The following EBF1 variants were observed in gnomAD, a reference collection of about 807,000 sequenced individuals.
The protein encoded by EBF1 is EBF transcription factor 1.
In EBF1, 10 loss-of-function variants were observed where a neutral mutation model predicts 68.4. That is an observed-to-expected ratio of 0.15 (90% CI 0.09 to 0.25). EBF1 has a LOEUF of 0.25. Ranked by LOEUF, EBF1 falls within the 10% of genes least tolerant of loss-of-function variation. The pLI, the probability that EBF1 is intolerant of heterozygous loss-of-function variation, is 1.00. For synonymous variants in EBF1, 298 were observed against 299.8 expected, an observed-to-expected ratio of 0.99 and a Z score of 0.06; for missense variants, 509 against 794.4, an observed-to-expected ratio of 0.64 and a Z score of 4.32.
At chr5:159,052,553 C>T (rs1311669132) in intron 6 of EBF1, among the ~76,000 whole-genome samples, 7 of 152,202 alleles carry the variant, frequency 4.6e-5, no homozygotes, top group Admixed American at 4.6e-4. Flanking sequence ...CTTTGCAATA[C>T]CAGCCTTTTA....
chr5:159,078,569 TG>T (rs1213873816), intron 5 of EBF1, among the ~76,000 whole-genome samples: 2 of 152,218 alleles, frequency 1.3e-5, no homozygotes, highest in East Asian at 3.8e-4. Flanking sequence ...ACTTGGGATT[TG>T]CTCTCTCATG....
At chr5:158,857,110 T>C (rs926151627) in intron 6 of EBF1, among the ~76,000 whole-genome samples, 3 of 152,116 alleles carry the variant, frequency 2.0e-5, no homozygotes, top group African/African-American at 7.2e-5. Context: ...ATTATGTTGA[T>C]GTGAAGACCA....
chr5:158,720,345 A>C (rs1761670367), intron 11 of EBF1, among the ~76,000 whole-genome samples: 1 of 152,200 alleles, frequency 6.6e-6, no homozygotes, highest in African/African-American at 2.4e-5. Flanking sequence ...CATTTCCTGC[A>C]GAGCTGGATG....
At chr5:159,057,104 CTTT>C (rs1205129627) in intron 6 of EBF1, among the ~76,000 whole-genome samples, 1 of 110,642 alleles carries the variant, frequency 9.0e-6, no homozygotes, top group Non-Finnish European at 1.9e-5. Flanking sequence ...CTTTTCTTTT[CTTT>C]TTTTTTTTTT....
chr5:158,879,678 A>G (rs989155745), intron 6 of EBF1, among the ~76,000 whole-genome samples: 3 of 152,170 alleles, frequency 2.0e-5, no homozygotes, highest in African/African-American at 7.2e-5. Flanking sequence ...AAATCTGCAC[A>G]TTGTGCACAT....
intron 10 of EBF1, 109 bp downstream of exon 10, chr5:158,777,304 C>G: frequency 8.0e-7 from 1 of 1,247,224 alleles, no homozygotes; most frequent in South Asian, 2.7e-5. Flanking sequence ...AGAAAGCAGG[C>G]TTTAACTAGA....
chr5:158,760,422 A>G (rs929757740), intron 10 of EBF1, among the ~76,000 whole-genome samples: 9 of 152,140 alleles, frequency 5.9e-5, no homozygotes, highest in Non-Finnish European at 1.3e-4. Flanking sequence ...CGGCCCCTAA[A>G]TGAACCACAC....
At chr5:158,936,682 G>C (rs1258771509) in intron 6 of EBF1, among the ~76,000 whole-genome samples, 2 of 152,272 alleles carry the variant, frequency 1.3e-5, no homozygotes, top group Non-Finnish European at 2.9e-5. Flanking sequence ...TTCCACTCCA[G>C]CATCTGTCTA....
chr5:158,943,051 T>C (rs942937817), intron 6 of EBF1, among the ~76,000 whole-genome samples: 1 of 18,138 alleles, frequency 5.5e-5, no homozygotes. Context: ...GGGAGGGAAG[T>C]GGGAGGGAGG....
Position 158,920,850 on chromosome 5 carries a change from C to T in EBF1, c.555-80740G>A, listed in dbSNP as rs58278684. On this transcript the variant is annotated intron_variant, in intron 6 of 15. Transcript: ENST00000313708. ...TGGCACCAGCGTGACTCCCTGAAAC[C>T]CACTTGGTGGAAGGGATGACAGCAC... Among the ~76,000 whole-genome samples, 860 of 152,318 alleles carry T rather than the reference C, an allele frequency of 5.6e-3. 10 individuals are homozygous for T. Among genetic ancestry groups the T allele is most frequent in the African/African-American group, 0.02 (814 of 41,580 alleles).
At chr5:158,725,882 A>G (rs1221031629) in intron 11 of EBF1, among the ~76,000 whole-genome samples, 1 of 152,178 alleles carries the variant, frequency 6.6e-6, no homozygotes, top group Non-Finnish European at 1.5e-5. Context: ...TGAAATGACA[A>G]ACATCTTGCA....
At chr5:158,886,902 T>C (rs1182855031) in intron 6 of EBF1, among the ~76,000 whole-genome samples, 1 of 152,124 alleles carries the variant, frequency 6.6e-6, no homozygotes, top group African/African-American at 2.4e-5. Context: ...CTCAGGAAGC[T>C]GAGGCAGGAG....
At chr5:158,895,494 C>T (rs1801997705) in intron 6 of EBF1, among the ~76,000 whole-genome samples, 1 of 152,294 alleles carries the variant, frequency 6.6e-6, no homozygotes, top group South Asian at 2.1e-4. Flanking sequence ...CATGTATTAT[C>T]TCATTTAATG....
rs74349620 is a variant in EBF1 at position 158,850,097 on chromosome 5, T to C, written c.555-9987A>G. Among the ~76,000 whole-genome samples, 3 of 152,306 alleles carry C rather than the reference T, an allele frequency of 2.0e-5. No individual in the cohort carries two copies. The East Asian group carries it at 5.8e-4, about 29-fold the overall frequency. ...CTACTTAATATTTTAAACTTTGATG[T>C]TGAGAAATTTTTATCTCCAAGTTAA... On this transcript the variant is annotated intron_variant, in intron 6 of 15. Transcript: ENST00000313708.
Position 158,858,148 on chromosome 5 carries a change from C to T in EBF1, c.555-18038G>A, listed in dbSNP as rs1794381747. Among the ~76,000 whole-genome samples, 3 of 152,122 alleles carry T rather than the reference C, an allele frequency of 2.0e-5. No homozygotes were observed. The South Asian group carries it at 6.2e-4, about 32-fold the overall frequency. ...CGGTGTCATGCTTTTGCTGGAGATC[C>T]TCTGTTCGGAGTAAGTGATGACAGC... On this transcript the variant is annotated intron_variant, in intron 6 of 15. Coordinates refer to ENST00000313708, the MANE Select transcript of EBF1 (RefSeq NM_024007.5).
intron 6 of EBF1, among the ~76,000 whole-genome samples, chr5:159,022,715 C>T (rs762726392): frequency 1.3e-5 from 2 of 151,894 alleles, no homozygotes; most frequent in Non-Finnish European, 1.5e-5. Context: ...GAAAACCAGC[C>T]GCTGGGATAA....
At chr5:159,022,519 T>C (rs1338238110) in intron 6 of EBF1, among the ~76,000 whole-genome samples, 1 of 152,216 alleles carries the variant, frequency 6.6e-6, no homozygotes, top group African/African-American at 2.4e-5. Context: ...TGCCTCTATT[T>C]TGAATGCAAT....
In EBF1 at chr5:159,005,641, C is replaced by T. The variant is rs145548683; in HGVS notation, c.554+67755G>A. Among the ~76,000 whole-genome samples, 554 of 152,174 alleles carry T rather than the reference C, an allele frequency of 3.6e-3. 3 individuals are homozygous for T. Among genetic ancestry groups the T allele is most frequent in the African/African-American group, 0.012 (507 of 41,530 alleles). On this transcript the variant is annotated intron_variant, in intron 6 of 15. Transcript: ENST00000313708. ...TCATGAAATATCAGAGTTGTACATGCTTTTGTCTTTTCTGCATAAAAAAAA... is the reference window on the plus strand; with the variant it reads ...TCATGAAATATCAGAGTTGTACATGTTTTTGTCTTTTCTGCATAAAAAAAA...
chr5:158,913,168 A>C (rs1806399336), intron 6 of EBF1, among the ~76,000 whole-genome samples: 1 of 152,244 alleles, frequency 6.6e-6, no homozygotes, highest in Admixed American at 6.5e-5. Context: ...TAACAAAAAT[A>C]GAGTTCTGGG....
Sources: gnomAD v4.1 joint callset for allele counts (sites outside exome capture counted in the v4.1 genomes callset) on GRCh38, gnomAD v4.1.1 for gene constraint, MANE v1.5 for transcripts, NCBI Gene and HGNC (gene_info 2026-07-23, HGNC 2026-07-21) for gene names.